Variants in ZCCHC7 observed in about 807,000 individuals in gnomAD.
ZCCHC7 encodes zinc finger CCHC-type containing 7, also known as zinc finger CCHC domain-containing protein 7.
Under a neutral mutation model 52.0 loss-of-function variants are expected in ZCCHC7, and 35 were observed. The ratio of observed to expected loss-of-function variants is 0.67; its 90% CI spans 0.51 to 0.89. The LOEUF is 0.89. Ranked by LOEUF, ZCCHC7 falls within the 40% of genes least tolerant of loss-of-function variation. The pLI, the probability that ZCCHC7 is intolerant of heterozygous loss-of-function variation, is 0.00. For missense variants in ZCCHC7, 574 were observed against 649.1 expected, an observed-to-expected ratio of 0.88 and a Z score of 1.26; for synonymous variants, 217 against 221.5, an observed-to-expected ratio of 0.98 and a Z score of 0.18.
intron 2 of ZCCHC7, among the ~76,000 whole-genome samples, chr9:37,233,893 T>A (rs566936): frequency 6.6e-6 from 1 of 151,984 alleles, no homozygotes; most frequent in Non-Finnish European, 1.5e-5. Context: ...TTACTGTGTC[T>A]CCCAGGCTGG....
chr9:37,192,342 C>G (rs1291828311), intron 2 of ZCCHC7, among the ~76,000 whole-genome samples: 1 of 152,200 alleles, frequency 6.6e-6, no homozygotes, highest in Admixed American at 6.5e-5. Flanking sequence ...ATTTTTCTTT[C>G]ATTTTACCCT....
chr9:37,326,483 GACTGCTTTCTATAGGAGCAGTCTAC>G (rs1830245311), intron 5 of ZCCHC7, among the ~76,000 whole-genome samples: 1 of 149,902 alleles, frequency 6.7e-6, no homozygotes, highest in African/African-American at 2.5e-5. Context: ...AAGCTGTGTA[GACTGCTTTCTATAGGAGCAGTCTAC>G]ACAGCTTTCT....
intron 6 of ZCCHC7, among the ~76,000 whole-genome samples, chr9:37,334,744 C>A (rs183436269): frequency 3.3e-5 from 5 of 152,026 alleles, no homozygotes; most frequent in Non-Finnish European, 7.4e-5. Flanking sequence ...CCAAGACCAA[C>A]AACTCTGGTG....
At chr9:37,324,131 A>G (rs1025307738) in intron 5 of ZCCHC7, among the ~76,000 whole-genome samples, 2 of 151,980 alleles carry the variant, frequency 1.3e-5, no homozygotes, top group African/African-American at 4.8e-5. Context: ...TGTTTTATTA[A>G]ATCTTTTGTT....
In ZCCHC7 at chr9:37,159,983, C is replaced by T. The variant is rs143661924; in HGVS notation, c.610+33041C>T. On this transcript the variant is annotated intron_variant, in intron 2 of 8. Coordinates refer to ENST00000336755, the MANE Select transcript of ZCCHC7 (RefSeq NM_032226.3). ...GTAAACAGTAGAATTTAAAGAGATTCCCTTAAACATTAAACATTAGGACCT... is the reference window on the plus strand; with the variant it reads ...GTAAACAGTAGAATTTAAAGAGATTTCCTTAAACATTAAACATTAGGACCT... Among the ~76,000 whole-genome samples the T allele has an allele frequency of 2.7e-4, 41 of 152,236 alleles. 1 individual carries two copies. In the East Asian group the frequency reaches 6.7e-3, roughly 25 times the overall value.
At chr9:37,229,431 G>A (rs764169807) in intron 2 of ZCCHC7, among the ~76,000 whole-genome samples, 28 of 152,094 alleles carry the variant, frequency 1.8e-4, no homozygotes, top group Non-Finnish European at 4.1e-4. Context: ...AGATGGCATA[G>A]CCTCATGCAC....
chr9:37,145,509 G>T (rs1198670692), intron 2 of ZCCHC7, among the ~76,000 whole-genome samples: 1 of 151,826 alleles, frequency 6.6e-6, no homozygotes, highest in Non-Finnish European at 1.5e-5. Flanking sequence ...TTCTAGGATA[G>T]AAACATAGAT....
chr9:37,339,888 A>C (rs1189122278), intron 6 of ZCCHC7, among the ~76,000 whole-genome samples: 3 of 152,170 alleles, frequency 2.0e-5, no homozygotes, highest in Non-Finnish European at 4.4e-5. Context: ...CATTGGATCA[A>C]AGTCAGTTTA....
chr9:37,204,057 AGT>A (rs1322487521), intron 2 of ZCCHC7, among the ~76,000 whole-genome samples: 4 of 152,176 alleles, frequency 2.6e-5, no homozygotes, highest in African/African-American at 9.7e-5. Context: ...TCTGATGATC[AGT>A]GATGTTGAGC....
chr9:37,269,635 A>C lies in ZCCHC7; in HGVS notation c.611-32553A>C, dbSNP rs550248213. 6.9e-3 allele frequency among the ~76,000 whole-genome samples: 1,026 copies of C among 149,088 alleles called. 11 individuals are homozygous for C. The highest frequency in any genetic ancestry group is 0.015 in the South Asian group (69 of 4,720). On this transcript the variant is annotated intron_variant, in intron 2 of 8. Coordinates refer to ENST00000336755, the MANE Select transcript of ZCCHC7 (RefSeq NM_032226.3). ...CTCTGTCTCAAAAAAAAAAAAAAAAAAAAAAAAAAAACAAAAGAAGTTCTA... is the reference window on the plus strand; with the variant it reads ...CTCTGTCTCAAAAAAAAAAAAAAAACAAAAAAAAAAACAAAAGAAGTTCTA...
chr9:37,194,866 T>G (rs1026230661), intron 2 of ZCCHC7, among the ~76,000 whole-genome samples: 2 of 152,122 alleles, frequency 1.3e-5, no homozygotes, highest in African/African-American at 4.8e-5. Context: ...TGTCTTTGTA[T>G]GTTGTTGAGA....
chr9:37,127,767 C>T (rs891879871), intron 2 of ZCCHC7, among the ~76,000 whole-genome samples: 1 of 152,132 alleles, frequency 6.6e-6, no homozygotes. Flanking sequence ...TGGCAGCCTG[C>T]TTCCCTAGAA....
chr9:37,172,488 A>G (rs1369220469), intron 2 of ZCCHC7, among the ~76,000 whole-genome samples: 1 of 152,248 alleles, frequency 6.6e-6, no homozygotes, highest in African/African-American at 2.4e-5. Flanking sequence ...TGGACCATTC[A>G]TAGATAAGTT....
chr9:37,177,089 C>G (rs528696168), intron 2 of ZCCHC7, among the ~76,000 whole-genome samples: 1 of 152,280 alleles, frequency 6.6e-6, no homozygotes, highest in South Asian at 2.1e-4. Flanking sequence ...CGCCTGTAAT[C>G]CCAGCACTTT....
chr9:37,274,239 TC>T (rs58235609), intron 2 of ZCCHC7, among the ~76,000 whole-genome samples: 21,570 of 151,924 alleles, frequency 0.14, 1,750 homozygotes, highest in Non-Finnish European at 0.17. Flanking sequence ...TACACACAAT[TC>T]TGAACCATTT....
At chr9:37,137,683 G>A (rs962096834) in intron 2 of ZCCHC7, among the ~76,000 whole-genome samples, 21 of 152,054 alleles carry the variant, frequency 1.4e-4, no homozygotes, top group African/African-American at 4.8e-4. Flanking sequence ...TTTTGTGCAG[G>A]GCTGTTCAAA....
At chr9:37,328,378 T>G (rs1403653655) in intron 6 of ZCCHC7, among the ~76,000 whole-genome samples, 2 of 152,012 alleles carry the variant, frequency 1.3e-5, no homozygotes, top group Non-Finnish European at 2.9e-5. Flanking sequence ...AATTCCTAGT[T>G]TCCTTTTATT....
At chr9:37,155,559 A>C (rs1395234923) in intron 2 of ZCCHC7, among the ~76,000 whole-genome samples, 1 of 152,194 alleles carries the variant, frequency 6.6e-6, no homozygotes, top group Non-Finnish European at 1.5e-5. Flanking sequence ...ATACTTTTAC[A>C]TTTAAGTCCA....
At chr9:37,309,427 A>G (rs558782898) in intron 5 of ZCCHC7, among the ~76,000 whole-genome samples, 2 of 152,338 alleles carry the variant, frequency 1.3e-5, no homozygotes, top group South Asian at 2.1e-4. Context: ...TTAAGAGATG[A>G]TATCAGCCTC....
Sources: allele counts gnomAD v4.1 joint callset (sites outside exome capture counted in the v4.1 genomes callset), GRCh38; gene constraint gnomAD v4.1.1; transcripts MANE v1.5; gene names NCBI Gene and HGNC (gene_info 2026-07-23, HGNC 2026-07-21).